TRIM66: variants seen among roughly 807,000 people sequenced by gnomAD.
TRIM66 encodes the protein tripartite motif containing 66.
Under a neutral mutation model 148.2 loss-of-function variants are expected in TRIM66, and 99 were observed. The ratio of observed to expected loss-of-function variants is 0.67; its 90% CI spans 0.57 to 0.79. The LOEUF is 0.79. Among genes scored for constraint, TRIM66 ranks in the 30% least tolerant of loss-of-function variants. The pLI is 0.00. For missense variants in TRIM66, 1,666 were observed against 1,697.9 expected (o/e 0.98, Z 0.33); for synonymous variants, 616 against 635.9 (o/e 0.97, Z 0.47).
At chr11:8,645,665 C>T (rs1247605707) in intron 12 of TRIM66, 76 bp downstream of exon 12, 3 of 1,521,242 alleles carry the variant, frequency 2.0e-6, no homozygotes, top group East Asian at 2.5e-5. Flanking sequence ...CAAGGACTGC[C>T]TCATTGCCCC....
chr11:8,671,684 A>T, intron 6 of TRIM66, 102 bp downstream of exon 6: 2 of 644,532 alleles, frequency 3.1e-6, no homozygotes, highest in Non-Finnish European at 5.5e-6. Flanking sequence ...TCCCTTGGGC[A>T]TTTAAATTCT....
chr11:8,615,364 C>T lies in TRIM66; in HGVS notation c.*2580G>A, dbSNP rs942758875. ...TTTTCCTCTAGGGCTGCATGCTGTC[C>T]CATAAGAATCTAGAACTCACCGTAT... On this transcript the variant is annotated 3_prime_UTR_variant, in exon 25 of 25. Transcript: ENST00000646038. 2 of 152,124 alleles carry T rather than the reference C, an allele frequency of 1.3e-5. No individual in the cohort carries two copies. The highest frequency in any genetic ancestry group is 2.4e-5 in the African/African-American group (1 of 41,418). 9.4% of individuals were successfully genotyped at this position (152,124 alleles called of 1,614,324 possible).
rs1206733950 is a variant in TRIM66, at chr11:8,648,502, G to A, written c.639C>T (p.His213=). The change falls in exon 9 of 25, where the codon CAC becomes CAT. Residue 213 remains histidine, a synonymous_variant. Coordinates refer to ENST00000646038, the MANE Select transcript of TRIM66 (RefSeq NM_001388022.1). ...PGDFTLYCPL[H]TQEVLKLFCE... is the part of the protein sequence containing the mutation. ...AGAATAGCTTGAGTACTTCCTGTGT[G>A]TGTAGAGGACAATACAAGGTGAAGT... The A allele has an allele frequency of 6.4e-7, 1 of 1,551,736 alleles. No individual in the cohort carries two copies. Among genetic ancestry groups the A allele is most frequent in the Admixed American group, 2.0e-5 (1 of 51,010 alleles).
At position 8,640,759 on chromosome 11, in the gene TRIM66, T is replaced by A; in HGVS notation, c.1616A>T (p.Glu539Val). ...QPWLETQPPV[E>V]QESTSQRLGQ... ...CAGCCGCTGGGATGTGCTCTCCTGC[T>A]CCACGGGGGGCTGGGTTTCCAGCCA... is the stretch of plus-strand genomic sequence containing the variant. The change falls in exon 14 of 25, where the codon GAG (glutamate) becomes GTG (valine). Residue 539 changes from glutamate to valine, a missense_variant. Physicochemically the swap from Glu to Val is moderately radical, Grantham distance 121 (BLOSUM62 -2). This residue lies in a region of TRIM66 where 1,431 missense variants were observed against 1,412.4 expected (regional missense o/e 1.01). Coordinates refer to ENST00000646038, the MANE Select transcript of TRIM66 (RefSeq NM_001388022.1). 4.5e-6 allele frequency: 7 copies of A among 1,551,390 alleles called. No individual in the cohort carries two copies. Among genetic ancestry groups the A allele is most frequent in the Non-Finnish European group, 6.1e-6 (7 of 1,146,990 alleles).
rs953378288 is a variant in TRIM66, at chr11:8,612,140, C to T, written c.*5804G>A. On this transcript the variant is annotated 3_prime_UTR_variant, in exon 25 of 25. Transcript: ENST00000646038. ...AAAATATCCTCCCTCATGCCCCAAC[C>T]GCTTAGAATCCAATAGCCACTCCTA... 6.6e-6 allele frequency: 1 copy of T among 152,132 alleles called. No individual in the cohort carries two copies. 9.4% of individuals were successfully genotyped at this position (152,132 alleles called of 1,614,324 possible).
At chr11:8,682,722 T>C, upstream of TRIM66, 2 of 1,521,612 alleles carry the variant, frequency 1.3e-6, no homozygotes, top group East Asian at 2.3e-5. Context: ...GCCCGGCCTC[T>C]GTGACCGGAA....
intron 6 of TRIM66, among the ~76,000 whole-genome samples, chr11:8,663,889 G>A (rs1218416130): frequency 6.6e-6 from 1 of 152,152 alleles, no homozygotes; most frequent in Admixed American, 6.5e-5. Context: ...GACAAATACT[G>A]TATAAGCTCA....
intron 6 of TRIM66, among the ~76,000 whole-genome samples, chr11:8,652,288 A>G (rs1282700487): frequency 6.6e-6 from 1 of 152,126 alleles, no homozygotes; most frequent in Non-Finnish European, 1.5e-5. Context: ...ATCCAGAGTC[A>G]GTTTAGTCTG....
intron 6 of TRIM66, among the ~76,000 whole-genome samples, chr11:8,656,945 G>T (rs1411328531): frequency 6.6e-6 from 1 of 152,222 alleles, no homozygotes; most frequent in African/African-American, 2.4e-5. Flanking sequence ...CTGGGAGCCA[G>T]ACTCCCACAG....
At chr11:8,637,265 C>T (rs1209145119) in intron 15 of TRIM66, among the ~76,000 whole-genome samples, 1 of 151,772 alleles carries the variant, frequency 6.6e-6, no homozygotes, top group Admixed American at 6.6e-5. Flanking sequence ...ATGCCTGGCA[C>T]CTAGTAGAAT....
intron 15 of TRIM66, among the ~76,000 whole-genome samples, chr11:8,633,318 A>G (rs1293690109): frequency 7.4e-6 from 1 of 135,278 alleles, no homozygotes; most frequent in African/African-American, 2.5e-5. Context: ...GTGAAACTCC[A>G]TCTCAAAAAA....
intron 20 of TRIM66, 129 bp downstream of exon 20, chr11:8,620,903 T>C (rs2034147146): frequency 1.6e-6 from 2 of 1,269,430 alleles, no homozygotes; most frequent in Non-Finnish European, 2.1e-6. Context: ...CTCACAGACC[T>C]GCAATTCAAG....
chr11:8,676,329 T>C (rs976664172), intron 3 of TRIM66, among the ~76,000 whole-genome samples: 2 of 152,180 alleles, frequency 1.3e-5, no homozygotes, highest in Non-Finnish European at 2.9e-5. Context: ...TTACATAACA[T>C]TGCTTTGGCA....
intron 6 of TRIM66, among the ~76,000 whole-genome samples, chr11:8,662,329 A>T (rs1281676881): frequency 6.6e-6 from 1 of 152,146 alleles, no homozygotes; most frequent in African/African-American, 2.4e-5. Flanking sequence ...CTGCTCATTA[A>T]GATAAGTGTC....
chr11:8,646,584 C>T (rs760090693), intron 10 of TRIM66, 23 bp from the exon 11 acceptor site: 2 of 1,531,400 alleles, frequency 1.3e-6, no homozygotes, highest in African/African-American at 2.8e-5. Flanking sequence ...TGGGACAAAC[C>T]ATGGTAAGCT....
In TRIM66 at chr11:8,672,024, T is replaced by C. The variant is rs919922492; in HGVS notation, c.102A>G (p.Thr34=). The C allele has an allele frequency of 1.3e-6, 2 of 1,535,852 alleles. No individual in the cohort carries two copies. Among genetic ancestry groups the C allele is most frequent in the African/African-American group, 2.7e-5 (2 of 73,062 alleles). The change falls in exon 6 of 25, where the codon ACA becomes ACG. Residue 34 remains threonine, a synonymous_variant. Coordinates refer to ENST00000646038, the MANE Select transcript of TRIM66 (RefSeq NM_001388022.1). ...DISGKAPVLG[T]GMAVDMGMSF... ...TCATGCCCATGTCCACAGCCATGCC[T>C]GTGCCCAGGACTGGGGCTTTTCCAC... is the stretch of plus-strand genomic sequence containing the variant.
chr11:8,672,765 G>A (rs2038999944), intron 4 of TRIM66, among the ~76,000 whole-genome samples: 1 of 151,512 alleles, frequency 6.6e-6, no homozygotes, highest in South Asian at 2.1e-4. Flanking sequence ...ACAGGTAACT[G>A]GGATGACAGG....
At chr11:8,648,139 A>G (rs2037032017) in intron 9 of TRIM66, 53 bp from the exon 10 acceptor site, 1 of 1,444,854 alleles carries the variant, frequency 6.9e-7, no homozygotes, top group African/African-American at 1.4e-5. Context: ...TACTTTGAGC[A>G]TGCCAACCAA....
rs1458916850 is a variant in TRIM66, at chr11:8,621,175, T to C, written c.3402A>G (p.Gly1134=). The change falls in exon 20 of 25, where the codon GGA becomes GGG. Residue 1134 remains glycine (G), a synonymous_variant. Coordinates refer to ENST00000646038, the MANE Select transcript of TRIM66 (RefSeq NM_001388022.1). The stretch of plus-strand genomic sequence containing the variant: ...TTGGGGCTGGGGGGCCCTTCTTGGC[T>C]CCTGGGGTTCGAGGAATGAGTCTGT... The part of the protein sequence containing the change: ...EEHRLIPRTP[G]AKKGPPAPIE... The C allele has an allele frequency of 3.2e-6, 5 of 1,551,556 alleles. No individual in the cohort carries two copies. The East Asian group carries it at 1.2e-4, about 38-fold the overall frequency.
Sources: gnomAD v4.1 joint callset for allele counts (sites outside exome capture counted in the v4.1 genomes callset) on GRCh38, gnomAD v4.1.1 for gene constraint, gnomAD v4.1.1 regional missense constraint, MANE v1.5 for transcripts, NCBI Gene and HGNC (gene_info 2026-07-23, HGNC 2026-07-21) for gene names.